OR9Q1: variants seen among roughly 807,000 people sequenced by gnomAD.
The protein encoded by OR9Q1 is olfactory receptor 9Q1.
For synonymous variants in OR9Q1, 153 were observed against 148.6 expected (o/e 1.03, Z -0.22); for missense variants, 374 against 378.8 (o/e 0.99, Z 0.11).
chr11:58,131,683 G>A (rs1854142850), intron 2 of OR9Q1, among the ~76,000 whole-genome samples: 1 of 152,014 alleles, frequency 6.6e-6, no homozygotes, highest in African/African-American at 2.4e-5. Context: ...GCAAGATTGG[G>A]GGTTAGTTTT....
chr11:58,024,019 G>A lies in OR9Q1; in HGVS notation c.-178G>A, dbSNP rs1392305210. On this transcript the variant is annotated 5_prime_UTR_variant, in exon 1 of 3. It removes an upstream start codon present in the reference 5' UTR. Transcript: ENST00000335397. The stretch of plus-strand genomic sequence containing the variant: ...TTTAGTCCAGCCCAGCAATGTACAT[G>A]TTATCCTTCCCGTTTGAAGATGAAG... 6.6e-6 allele frequency: 1 copy of A among 152,208 alleles called. No individual in the cohort carries two copies. The highest frequency in any genetic ancestry group is 1.5e-5 in the Non-Finnish European group (1 of 68,080). 9.4% of individuals were successfully genotyped at this position (152,208 alleles called of 1,614,324 possible). A position where few individuals can be genotyped will look rare whatever the true frequency, so the allele number is the denominator to read the frequency against.
intron 2 of OR9Q1, among the ~76,000 whole-genome samples, chr11:58,178,665 G>A (rs937466739): frequency 6.6e-6 from 1 of 151,942 alleles, no homozygotes; most frequent in Non-Finnish European, 1.5e-5. Flanking sequence ...CAATAAGGAA[G>A]TTTCGGCTCA....
At chr11:58,119,779 C>A (rs1854008192) in intron 2 of OR9Q1, among the ~76,000 whole-genome samples, 3 of 152,046 alleles carry the variant, frequency 2.0e-5, no homozygotes. Flanking sequence ...GTCTCACTTA[C>A]CATATACCCA....
At chr11:58,053,366 C>T (rs1292902364) in intron 1 of OR9Q1, among the ~76,000 whole-genome samples, 2 of 144,892 alleles carry the variant, frequency 1.4e-5, no homozygotes, top group African/African-American at 2.5e-5. Context: ...CCAAACACCA[C>T]ATGTTCTCAC....
intron 2 of OR9Q1, among the ~76,000 whole-genome samples, chr11:58,084,749 TG>T (rs1853619123): frequency 6.6e-6 from 1 of 151,914 alleles, no homozygotes; most frequent in Non-Finnish European, 1.5e-5. Flanking sequence ...CATCCTTTCA[TG>T]TTAGAAACCC....
In OR9Q1 at chr11:58,136,632, A is replaced by C. The variant is rs544870381; in HGVS notation, c.-14-42799A>C. On this transcript the variant is annotated intron_variant, in intron 2 of 2. Coordinates refer to ENST00000335397, the MANE Select transcript of OR9Q1 (RefSeq NM_001005212.4). ...TCTACGAATTTAGGCGATGTATCAC[A>C]TGGCAAGGTGCAACTGTTCTTGGAG... Among the ~76,000 whole-genome samples the C allele has an allele frequency of 4.6e-5, 7 of 152,344 alleles. No homozygotes were observed. In the South Asian group the frequency reaches 1.0e-3, roughly 23 times the overall value.
chr11:58,131,236 C>G (rs1854137973), intron 2 of OR9Q1, among the ~76,000 whole-genome samples: 1 of 152,052 alleles, frequency 6.6e-6, no homozygotes, highest in South Asian at 2.1e-4. Context: ...TCTCAGCTGG[C>G]CTGGGTGGGG....
At chr11:58,129,236 CGT>C (rs59902083) in intron 2 of OR9Q1, among the ~76,000 whole-genome samples, 30,360 of 144,418 alleles carry the variant, frequency 0.21, 3,105 homozygotes, top group South Asian at 0.25. Flanking sequence ...CAGAGCAATT[CGT>C]GTGTGTGTGT....
At chr11:58,120,717 G>C (rs1260569836) in intron 2 of OR9Q1, among the ~76,000 whole-genome samples, 1 of 150,220 alleles carries the variant, frequency 6.7e-6, no homozygotes, top group African/African-American at 2.4e-5. Context: ...TTGATTTTCT[G>C]TACTGAAACA....
intron 2 of OR9Q1, among the ~76,000 whole-genome samples, chr11:58,141,251 CTA>C (rs1854245989): frequency 6.6e-6 from 1 of 152,126 alleles, no homozygotes; most frequent in African/African-American, 2.4e-5. Flanking sequence ...ACTTCCAACA[CTA>C]TGTTGAATAG....
chr11:58,134,131 C>A (rs1854169384), intron 2 of OR9Q1, among the ~76,000 whole-genome samples: 1 of 152,170 alleles, frequency 6.6e-6, no homozygotes. Flanking sequence ...ATTAAGGAGG[C>A]CTGATGTCCA....
intron 2 of OR9Q1, among the ~76,000 whole-genome samples, chr11:58,089,166 C>T (rs1446661049): frequency 2.0e-5 from 3 of 151,774 alleles, no homozygotes; most frequent in Non-Finnish European, 4.4e-5. Flanking sequence ...GCGTGAGCCA[C>T]CATGCCCAGC....
chr11:58,093,488 CTGAA>C (rs1209532424), intron 2 of OR9Q1, among the ~76,000 whole-genome samples: 10 of 152,094 alleles, frequency 6.6e-5, no homozygotes, highest in Non-Finnish European at 1.2e-4. Flanking sequence ...TCATACCAGT[CTGAA>C]TGGCCACTAT....
intron 2 of OR9Q1, among the ~76,000 whole-genome samples, chr11:58,067,395 C>A (rs1853440971): frequency 6.6e-6 from 1 of 152,184 alleles, no homozygotes; most frequent in Non-Finnish European, 1.5e-5. Flanking sequence ...TGATCTTGGG[C>A]AAATCACCTT....
chr11:58,080,380 T>C (rs1417378074), intron 2 of OR9Q1, among the ~76,000 whole-genome samples: 1 of 152,172 alleles, frequency 6.6e-6, no homozygotes, highest in Admixed American at 6.6e-5. Flanking sequence ...ATTAAAAAAA[T>C]CCACTTCACT....
At chr11:58,108,287 T>C (rs1853862357) in intron 2 of OR9Q1, among the ~76,000 whole-genome samples, 1 of 152,180 alleles carries the variant, frequency 6.6e-6, no homozygotes, top group Non-Finnish European at 1.5e-5. Context: ...TAGTACAATT[T>C]ATAGCTATAA....
At chr11:58,102,845 A>C (rs1209316102) in intron 2 of OR9Q1, among the ~76,000 whole-genome samples, 1 of 152,128 alleles carries the variant, frequency 6.6e-6, no homozygotes, top group Non-Finnish European at 1.5e-5. Flanking sequence ...ATTTCATTAA[A>C]TAAGTTTTCT....
At chr11:58,177,634 T>C (rs902923362) in intron 2 of OR9Q1, among the ~76,000 whole-genome samples, 3 of 152,234 alleles carry the variant, frequency 2.0e-5, no homozygotes, top group Admixed American at 2.0e-4. Context: ...GAAAAAAGTA[T>C]AAACCCAAGA....
At chr11:58,098,290 T>A in intron 2 of OR9Q1, among the ~76,000 whole-genome samples, 1 of 152,206 alleles carries the variant, frequency 6.6e-6, no homozygotes, top group East Asian at 1.9e-4. Context: ...AACAGATATG[T>A]GACTATTCAG....
Sources: allele counts gnomAD v4.1 joint callset (sites outside exome capture counted in the v4.1 genomes callset), GRCh38; gene constraint gnomAD v4.1.1; transcripts MANE v1.5; gene names NCBI Gene and HGNC (gene_info 2026-07-23, HGNC 2026-07-21).